RPLP1: variants seen among roughly 807,000 people sequenced by gnomAD.
RPLP1 encodes ribosomal protein lateral stalk subunit P1.
Under a neutral mutation model 11.6 loss-of-function variants are expected in RPLP1, and 4 were observed. The observed-to-expected ratio is 0.34, with a 90% confidence interval of 0.17 to 0.79. The LOEUF (loss-of-function observed/expected upper bound fraction) is 0.79, where lower values mean the gene tolerates loss of function less well. RPLP1 is among the 30% of genes least tolerant of loss of function. RPLP1 has a pLI of 0.55. For synonymous variants in RPLP1, 54 were observed against 52.2 expected, an observed-to-expected ratio of 1.03 and a Z score of -0.15; for missense variants, 133 against 142.8, an observed-to-expected ratio of 0.93 and a Z score of 0.35.
At position 69,455,572 on chromosome 15, in the gene RPLP1, T is replaced by C; in HGVS notation, c.*65T>C. The C allele has an allele frequency of 8.1e-7, 1 of 1,233,054 alleles. No homozygotes were observed. Among genetic ancestry groups the C allele is most frequent in the Non-Finnish European group, 1.1e-6 (1 of 874,680 alleles). 76.4% of individuals were successfully genotyped at this position (1,233,054 alleles called of 1,614,324 possible). A position where few individuals can be genotyped will look rare whatever the true frequency, so the allele number is the denominator to read the frequency against. ...CTGCTGTTGGTCTTGTCCATAGTTT[T>C]GGAATGTGCTCTGCAAAAATGGTCT... On this transcript the variant is annotated 3_prime_UTR_variant, in exon 4 of 4. Coordinates refer to ENST00000260379, the MANE Select transcript of RPLP1 (RefSeq NM_001003.3).
At chr15:69,453,095 C>G (rs1163876204) in intron 1 of RPLP1, 75 bp downstream of exon 1, 16 of 1,360,424 alleles carry the variant, frequency 1.2e-5, no homozygotes, top group East Asian at 7.5e-5. Context: ...GTTCCCGGCT[C>G]CAGGCCGTTC....
chr15:69,452,847 C>A lies in RPLP1; in HGVS notation c.-102C>A, dbSNP rs947441000. On this transcript the variant is annotated 5_prime_UTR_variant, in exon 1 of 4. Coordinates refer to ENST00000260379, the MANE Select transcript of RPLP1 (RefSeq NM_001003.3). ...TTTCCTCAGCTGCCGCCAAGGTGCT[C>A]GGTCCTTCCGAGGAAGCTAAGGCTG... 3 of 1,101,808 alleles carry A rather than the reference C, an allele frequency of 2.7e-6. No homozygotes were observed. Among genetic ancestry groups the A allele is most frequent in the Admixed American group, 2.0e-5 (1 of 50,042 alleles). The allele number at this position is 1,101,808 out of a possible 1,614,324, so 68.3% of individuals were successfully genotyped here. A position where few individuals can be genotyped will look rare whatever the true frequency, so the allele number is the denominator to read the frequency against.
At chr15:69,453,769 G>A in intron 2 of RPLP1, 48 bp downstream of exon 2, 1 of 1,599,560 alleles carries the variant, frequency 6.3e-7, no homozygotes, top group Non-Finnish European at 8.6e-7. Context: ...GCTGATTTAC[G>A]AGGGCAGTTG....
chr15:69,453,992 G>C (rs1005601074), intron 2 of RPLP1: 2 of 532,008 alleles, frequency 3.8e-6, no homozygotes, highest in African/African-American at 3.8e-5. Flanking sequence ...AGGGTCACTC[G>C]GGAGATAGGT....
At chr15:69,453,543 T>C in intron 1 of RPLP1, 104 bp from the exon 2 acceptor site, 1 of 1,242,112 alleles carries the variant, frequency 8.1e-7, no homozygotes, top group Non-Finnish European at 1.2e-6. Context: ...ATAGAATATT[T>C]GAGCTGGTTA....
At chr15:69,454,542 G>A (rs1892405205) in intron 2 of RPLP1, 1 of 152,104 alleles carries the variant, frequency 6.6e-6, no homozygotes, top group Non-Finnish European at 1.5e-5. Flanking sequence ...CTAACTCCAG[G>A]GTTGTGACCT....
rs759355787 is a variant in RPLP1 at position 69,455,323 on chromosome 15, G to A, written c.265+36G>A. 6.5e-6 allele frequency: 10 copies of A among 1,542,208 alleles called. No homozygotes were observed. In the South Asian group the frequency reaches 8.8e-5, roughly 14 times the overall value. ...TGGAGTTTTTAGTATTGGGAGGAGT[G>A]TAGAGATTTTTTAAAAAATAGTATT... On this transcript the variant is annotated intron_variant, in intron 3 of 3. Coordinates refer to ENST00000260379, the MANE Select transcript of RPLP1 (RefSeq NM_001003.3).
rs529326572 is a variant in RPLP1, at chr15:69,452,821, C to T, written c.-128C>T. 344 of 857,206 alleles carry T rather than the reference C, an allele frequency of 4.0e-4. 1 individual carries two copies. Among genetic ancestry groups the T allele is most frequent in the African/African-American group, 3.5e-3 (210 of 60,248 alleles). The allele number at this position is 857,206 out of a possible 1,614,324, so 53.1% of individuals were successfully genotyped here. A position where few individuals can be genotyped will look rare whatever the true frequency, so the allele number is the denominator to read the frequency against. On this transcript the variant is annotated 5_prime_UTR_variant, in exon 1 of 4. Coordinates refer to ENST00000260379, the MANE Select transcript of RPLP1 (RefSeq NM_001003.3). ...AGGCTGCGTATAGGCGCGAGAGCCC[C>T]TTTCCTCAGCTGCCGCCAAGGTGCT...
At chr15:69,453,197 TGGGCCCCCGGGACCACG>T in intron 1 of RPLP1, 177 bp downstream of exon 1, 3 of 633,172 alleles carry the variant, frequency 4.7e-6, no homozygotes, top group Non-Finnish European at 8.2e-6. Flanking sequence ...GGGCAGGTCC[TGGGCCCCCGGGACCACG>T]TGCGGGCCCA....
rs915652940 is a variant in RPLP1, at chr15:69,453,884, G to C, written c.147+163G>C. 34 of 649,004 alleles carry C rather than the reference G, an allele frequency of 5.2e-5. No individual in the cohort carries two copies. The African/African-American group carries it at 5.9e-4, about 11-fold the overall frequency. 40.2% of individuals were successfully genotyped at this position (649,004 alleles called of 1,614,324 possible). On this transcript the variant is annotated intron_variant, in intron 2 of 3. Transcript: ENST00000260379. ...ATCTCTAGGAGCTAATAAGATTTCA[G>C]CTTGTCAAGTCTTACGTTTCCTTAT...
At position 69,453,665 on chromosome 15, in the gene RPLP1, C is replaced by T; in HGVS notation, c.91C>T (p.Leu31Phe). ...GTTGTAGGAGGATAAGATCAATGCC[C>T]TCATTAAAGCAGCCGGTGTAAATGT... ...VTVTEDKINA[L>F]IKAAGVNVEP... Residue 31 changes from leucine (L) to phenylalanine (F), a missense_variant, in exon 2 of 4, where the codon CTC (leucine) becomes TTC (phenylalanine). By Grantham distance (22) the Leu-to-Phe change is conservative (BLOSUM62 0). Transcript: ENST00000260379. 1 of 1,614,072 alleles carries T rather than the reference C, an allele frequency of 6.2e-7. No individual in the cohort carries two copies. Among genetic ancestry groups the T allele is most frequent in the Non-Finnish European group, 8.5e-7 (1 of 1,179,966 alleles).
At position 69,452,826 on chromosome 15, in the gene RPLP1, C is replaced by G; in HGVS notation, c.-123C>G. The G allele has an allele frequency of 1.1e-6, 1 of 905,918 alleles. No individual in the cohort carries two copies. The highest frequency in any genetic ancestry group is 1.7e-6 in the Non-Finnish European group (1 of 580,234). 56.1% of individuals were successfully genotyped at this position (905,918 alleles called of 1,614,324 possible). Reference sequence around the variant, plus strand: ...GCGTATAGGCGCGAGAGCCCCTTTCCTCAGCTGCCGCCAAGGTGCTCGGTC... The same window carrying G: ...GCGTATAGGCGCGAGAGCCCCTTTCGTCAGCTGCCGCCAAGGTGCTCGGTC... On this transcript the variant is annotated 5_prime_UTR_variant, in exon 1 of 4. Transcript: ENST00000260379.
rs1276293294 is a variant in RPLP1 at position 69,455,865 on chromosome 15, G to A, written c.*358G>A. The A allele has an allele frequency of 1.0e-5, 2 of 195,566 alleles. No homozygotes were observed. The highest frequency in any genetic ancestry group is 2.1e-5 in the Non-Finnish European group (2 of 94,734). The allele number at this position is 195,566 out of a possible 1,614,324, so 12.1% of individuals were successfully genotyped here. On this transcript the variant is annotated 3_prime_UTR_variant, in exon 4 of 4. Transcript: ENST00000260379. ...AGACCAGCTTTAGAAAGCCTCCTGG[G>A]TATTTACCCTATACAACCCTGCCTA...
chr15:69,453,946 TAA>T lies in RPLP1; in HGVS notation c.147+232_147+233del, dbSNP rs929122824. On this transcript the variant is annotated intron_variant, in intron 2 of 3. Coordinates refer to ENST00000260379, the MANE Select transcript of RPLP1 (RefSeq NM_001003.3). ...TTCCCTTTTGCTCTGAAACCATGGT[TAA>T]AAAAAATGTGAATCAGGTCATTTAT... 4 of 561,162 alleles carry T rather than the reference TAA, an allele frequency of 7.1e-6. No individual in the cohort carries two copies. The Admixed American group carries it at 1.3e-4, about 18-fold the overall frequency. The allele number at this position is 561,162 out of a possible 1,614,324, so 34.8% of individuals were successfully genotyped here.
chr15:69,452,988 C>T lies in RPLP1; in HGVS notation c.40C>T (p.Leu14Phe). The T allele has an allele frequency of 6.3e-7, 1 of 1,577,878 alleles. No individual in the cohort carries two copies. Among genetic ancestry groups the T allele is most frequent in the Non-Finnish European group, 8.6e-7 (1 of 1,164,002 alleles). The part of the protein sequence containing the change: ...VSELACIYSA[L>F]ILHDDEVTVT... ...CGAGCTCGCCTGCATCTACTCGGCC[C>T]TCATTCTGCACGACGATGAGGTGAC... The change falls in exon 1 of 4, where the codon CTC (leucine) becomes TTC (phenylalanine). Residue 14 changes from leucine (L) to phenylalanine (F), a missense_variant. By Grantham distance (22) the Leu-to-Phe change is conservative (BLOSUM62 0). Coordinates refer to ENST00000260379, the MANE Select transcript of RPLP1 (RefSeq NM_001003.3).
intron 1 of RPLP1, chr15:69,453,247 G>A (rs1892378587): frequency 2.9e-5 from 17 of 588,646 alleles, no homozygotes; most frequent in Middle Eastern, 4.5e-4. Context: ...TGCGCTTGAG[G>A]CTGGGCGCTC....
rs887618928 is a variant in RPLP1 at position 69,452,885 on chromosome 15, G to T, written c.-64G>T. Reference sequence around the variant, plus strand: ...GAAGCTAAGGCTGCGTTGGGGTGAGGCCCTCACTTCATCCGGCGACTAGCA... The same window carrying T: ...GAAGCTAAGGCTGCGTTGGGGTGAGTCCCTCACTTCATCCGGCGACTAGCA... On this transcript the variant is annotated 5_prime_UTR_variant, in exon 1 of 4. Coordinates refer to ENST00000260379, the MANE Select transcript of RPLP1 (RefSeq NM_001003.3). The T allele has an allele frequency of 5.6e-6, 8 of 1,438,676 alleles. No individual in the cohort carries two copies. The East Asian group carries it at 1.7e-4, about 31-fold the overall frequency. The allele number at this position is 1,438,676 out of a possible 1,614,324, so 89.1% of individuals were successfully genotyped here.
rs1892430663 is a variant in RPLP1, at chr15:69,456,024, CTTAATAG to C, written c.*520_*526del. 6.6e-6 allele frequency: 1 copy of C among 151,552 alleles called. No homozygotes were observed. Among genetic ancestry groups the C allele is most frequent in the African/African-American group, 2.4e-5 (1 of 41,218 alleles). The allele number at this position is 151,552 out of a possible 1,614,324, so 9.4% of individuals were successfully genotyped here. A position where few individuals can be genotyped will look rare whatever the true frequency, so the allele number is the denominator to read the frequency against. Reference sequence around the variant, plus strand: ...ACACTGAAGGAGTGCAGAAAGTTTACTTAATAGTTTATTAAGGTCTCCAGTTACACAA... The same window carrying C: ...ACACTGAAGGAGTGCAGAAAGTTTACTTTATTAAGGTCTCCAGTTACACAA... On this transcript the variant is annotated 3_prime_UTR_variant, in exon 4 of 4. Transcript: ENST00000260379.
intron 3 of RPLP1, 45 bp from the exon 4 acceptor site, chr15:69,455,383 A>G: frequency 1.3e-6 from 2 of 1,574,694 alleles, no homozygotes; most frequent in South Asian, 1.2e-5. Context: ...TCACAAGTAT[A>G]TGAAGTATGG....
Sources: gnomAD v4.1 joint callset for allele counts on GRCh38, gnomAD v4.1.1 for gene constraint, MANE v1.5 for transcripts, NCBI Gene and HGNC (gene_info 2026-07-23, HGNC 2026-07-21) for gene names.